ROBO2: variants seen among roughly 807,000 people sequenced by gnomAD.
The protein encoded by ROBO2 is roundabout guidance receptor 2, also known as roundabout homolog 2.
In ROBO2, 53 loss-of-function variants were observed where a neutral mutation model predicts 160.8. The ratio of observed to expected loss-of-function variants is 0.33; its 90% confidence interval spans 0.26 to 0.41. The LOEUF (loss-of-function observed/expected upper bound fraction) is 0.41. ROBO2 is among the 10% of genes least tolerant of loss of function. The probability of loss-of-function intolerance (pLI) is 1.00; values close to 1 mark genes in which losing one functional copy is unlikely to be tolerated. For missense variants in ROBO2, 1,577 were observed against 1,722.4 expected (o/e 0.92, Z 1.49); for synonymous variants, 664 against 611.7 (o/e 1.09, Z -1.26).
chr3:76,438,691 A>G (rs1487144519), intron 2 of ROBO2, among the ~76,000 whole-genome samples: 1 of 152,106 alleles, frequency 6.6e-6, no homozygotes, highest in East Asian at 1.9e-4. Context: ...ATTTTCAAGT[A>G]TATATTCTAT....
intron 2 of ROBO2, among the ~76,000 whole-genome samples, chr3:76,606,394 C>A (rs190749327): frequency 1.3e-5 from 2 of 152,200 alleles, no homozygotes; most frequent in Non-Finnish European, 2.9e-5. Flanking sequence ...GTTTTCTCTA[C>A]GATATTTGCT....
Position 77,561,710 on chromosome 3 carries a change from AT to A in ROBO2, c.1438-934del, listed in dbSNP as rs1392195508. Among the ~76,000 whole-genome samples the A allele has an allele frequency of 5.3e-5, 8 of 152,000 alleles. No individual in the cohort carries two copies. The East Asian group carries it at 5.8e-4, about 11-fold the overall frequency. On this transcript the variant is annotated intron_variant, in intron 9 of 25. Coordinates refer to ENST00000461745, the Ensembl canonical transcript of ROBO2. Reference sequence around the variant, plus strand: ...GAAATTGCAGTCACTCCATAGCCACATTTTTTTAATGATACTTTATTCTATT... The same window carrying A: ...GAAATTGCAGTCACTCCATAGCCACATTTTTTAATGATACTTTATTCTATT...
At position 76,132,915 on chromosome 3, in the gene ROBO2, C is replaced by T. The variant is rs191505167; in HGVS notation, c.109+195313C>T. Among the ~76,000 whole-genome samples the T allele has an allele frequency of 8.5e-5, 13 of 152,242 alleles. No homozygotes were observed. In the East Asian group the frequency reaches 2.5e-3, roughly 29 times the overall value. ...GCGCAAAGTGAATGGCTTAAAATCA[C>T]GGATGCTGGAGACAGTCTGGCTGCG... On this transcript the variant is annotated intron_variant, in intron 2 of 26. Transcript: ENST00000487694.
chr3:77,479,989 T>G (rs767933430), intron 3 of ROBO2, among the ~76,000 whole-genome samples: 25 of 152,206 alleles, frequency 1.6e-4, no homozygotes, highest in Non-Finnish European at 3.5e-4. Flanking sequence ...TCAAGTCATA[T>G]TACCTAGCTC....
chr3:76,386,174 C>T (rs767770741), intron 2 of ROBO2, among the ~76,000 whole-genome samples: 4 of 151,964 alleles, frequency 2.6e-5, no homozygotes, highest in Non-Finnish European at 5.9e-5. Context: ...TTTTAACATA[C>T]ATATTTCTGA....
At chr3:76,709,948 A>G (rs1249674469) in intron 2 of ROBO2, among the ~76,000 whole-genome samples, 1 of 152,112 alleles carries the variant, frequency 6.6e-6, no homozygotes, top group Non-Finnish European at 1.5e-5. Flanking sequence ...GACATGGGAT[A>G]GCAAAGGCTG....
intron 2 of ROBO2, among the ~76,000 whole-genome samples, chr3:77,361,187 G>A (rs1246238719): frequency 6.6e-6 from 1 of 152,092 alleles, no homozygotes; most frequent in East Asian, 1.9e-4. Context: ...TAAATTTGAA[G>A]TTCAGATAAA....
intron 2 of ROBO2, among the ~76,000 whole-genome samples, chr3:76,417,421 C>T (rs1242648408): frequency 6.6e-6 from 1 of 152,108 alleles, no homozygotes; most frequent in Non-Finnish European, 1.5e-5. Flanking sequence ...AATGAACAAA[C>T]AACAAATCAA....
chr3:77,360,780 T>C (rs112126188), intron 2 of ROBO2, among the ~76,000 whole-genome samples: 1,662 of 152,248 alleles, frequency 0.011, 17 homozygotes, highest in Middle Eastern at 0.017. Context: ...CTGGGCCCCA[T>C]CTCCACATTT....
At chr3:77,166,959 C>T (rs1228525259) in intron 2 of ROBO2, among the ~76,000 whole-genome samples, 3 of 152,140 alleles carry the variant, frequency 2.0e-5, no homozygotes, top group Non-Finnish European at 2.9e-5. Context: ...CAACTCATTG[C>T]TATTTATGAT....
chr3:76,270,954 G>GT (rs1335018616), intron 2 of ROBO2, among the ~76,000 whole-genome samples: 7 of 151,994 alleles, frequency 4.6e-5, no homozygotes, highest in Non-Finnish European at 1.0e-4. Flanking sequence ...GCTTACACAG[G>GT]TTTTTTCCAT....
chr3:77,116,634 C>T (rs2074231902), intron 2 of ROBO2, among the ~76,000 whole-genome samples: 1 of 152,082 alleles, frequency 6.6e-6, no homozygotes. Context: ...CTAAACATTG[C>T]TTTTCTAATA....
chr3:76,744,852 G>A (rs1224844116), intron 2 of ROBO2, among the ~76,000 whole-genome samples: 1 of 152,112 alleles, frequency 6.6e-6, no homozygotes, highest in African/African-American at 2.4e-5. Flanking sequence ...AAAAGAATTT[G>A]TGCTATGAAC....
At chr3:76,957,400 C>T (rs561022090) in intron 2 of ROBO2, among the ~76,000 whole-genome samples, 1 of 152,182 alleles carries the variant, frequency 6.6e-6, no homozygotes, top group East Asian at 1.9e-4. Context: ...TTTGCTAGGA[C>T]TTGGAATATT....
chr3:77,229,613 A>G (rs1417809536), intron 2 of ROBO2, among the ~76,000 whole-genome samples: 15 of 151,368 alleles, frequency 9.9e-5, no homozygotes, highest in African/African-American at 3.7e-4. Flanking sequence ...GTGAGCTGAG[A>G]TTGTGCCACT....
At chr3:76,154,064 CAT>C (rs1437969057) in intron 2 of ROBO2, among the ~76,000 whole-genome samples, 17 of 152,102 alleles carry the variant, frequency 1.1e-4, no homozygotes, top group African/African-American at 4.1e-4. Context: ...ATCAGAAAAA[CAT>C]ATGCCAATAT....
chr3:76,522,010 T>C (rs2081647027), intron 2 of ROBO2, among the ~76,000 whole-genome samples: 1 of 152,210 alleles, frequency 6.6e-6, no homozygotes, highest in African/African-American at 2.4e-5. Flanking sequence ...ATTTATGTTT[T>C]TGTTTTTCAA....
chr3:77,025,777 C>A (rs2062926580), intron 2 of ROBO2, among the ~76,000 whole-genome samples: 1 of 152,054 alleles, frequency 6.6e-6, no homozygotes, highest in Non-Finnish European at 1.5e-5. Context: ...CTGAAGATAC[C>A]CACATAAATC....
chr3:76,172,781 A>G (rs1459110478), intron 2 of ROBO2, among the ~76,000 whole-genome samples: 1 of 152,170 alleles, frequency 6.6e-6, no homozygotes, highest in Non-Finnish European at 1.5e-5. Flanking sequence ...AATTTAAAAA[A>G]TAGAAATTCT....
Sources: gnomAD v4.1 joint callset for allele counts (sites outside exome capture counted in the v4.1 genomes callset) on GRCh38, gnomAD v4.1.1 for gene constraint, MANE v1.5 for transcripts, NCBI Gene and HGNC (gene_info 2026-07-23, HGNC 2026-07-21) for gene names.